The following CAMTA1 variants were observed in gnomAD, a reference collection of about 807,000 sequenced individuals.
CAMTA1 encodes the protein calmodulin-binding transcription activator 1.
Under a neutral mutation model 170.9 loss-of-function variants are expected in CAMTA1, and 27 were observed. The ratio of observed to expected loss-of-function variants is 0.16; its 90% CI spans 0.12 to 0.22. CAMTA1 has a LOEUF of 0.22. Among genes scored for constraint, CAMTA1 ranks in the 10% least tolerant of loss-of-function variants. The probability of loss-of-function intolerance (pLI) is 1.00; values close to 1 mark genes in which losing one functional copy is unlikely to be tolerated. For synonymous variants in CAMTA1, 833 were observed against 891.5 expected (o/e 0.93, Z 1.17); for missense variants, 1,619 against 2,217.2 (o/e 0.73, Z 5.42).
chr1:7,174,876 T>C (rs2148847669), intron 4 of CAMTA1, among the ~76,000 whole-genome samples: 1 of 152,310 alleles, frequency 6.6e-6, no homozygotes, highest in Non-Finnish European at 1.5e-5. Flanking sequence ...TGGGATGGTT[T>C]TTCCCTGCTG....
intron 1 of CAMTA1, among the ~76,000 whole-genome samples, chr1:6,811,798 A>G (rs1034272266): frequency 1.3e-5 from 2 of 152,212 alleles, no homozygotes; most frequent in African/African-American, 4.8e-5. Flanking sequence ...GGAGGTTCCC[A>G]GATAGCCGAC....
At chr1:7,637,995 C>T (rs2095727951) in intron 6 of CAMTA1, among the ~76,000 whole-genome samples, 1 of 152,186 alleles carries the variant, frequency 6.6e-6, no homozygotes, top group Admixed American at 6.5e-5. Flanking sequence ...GTTAACTGAG[C>T]GTTGGCAGGA....
chr1:7,106,393 A>G (rs1643594365), intron 4 of CAMTA1, among the ~76,000 whole-genome samples: 1 of 152,110 alleles, frequency 6.6e-6, no homozygotes, highest in Non-Finnish European at 1.5e-5. Context: ...AAAGATCCAG[A>G]GTAAGCCACA....
intron 18 of CAMTA1, among the ~76,000 whole-genome samples, chr1:7,747,128 T>C (rs1021418525): frequency 2.0e-5 from 3 of 152,216 alleles, no homozygotes; most frequent in African/African-American, 4.8e-5. Context: ...CTGTTGGTAA[T>C]GATAATGCGT....
intron 5 of CAMTA1, among the ~76,000 whole-genome samples, chr1:7,272,107 T>G (rs1669893929): frequency 1.3e-5 from 2 of 151,998 alleles, no homozygotes; most frequent in South Asian, 4.1e-4. Context: ...CAATAAACAA[T>G]TTGAAAATCA....
chr1:7,123,710 G>T (rs1248081513), intron 4 of CAMTA1, among the ~76,000 whole-genome samples: 1 of 152,116 alleles, frequency 6.6e-6, no homozygotes, highest in Non-Finnish European at 1.5e-5. Flanking sequence ...GGGGATGCCT[G>T]TTCTGGCCCT....
chr1:7,260,288 G>A (rs1667978959), intron 5 of CAMTA1, among the ~76,000 whole-genome samples: 1 of 152,230 alleles, frequency 6.6e-6, no homozygotes, highest in South Asian at 2.1e-4. Flanking sequence ...ACAGCCGCCT[G>A]ATGCTATTCA....
At chr1:7,015,809 G>A (rs1700447235) in intron 3 of CAMTA1, among the ~76,000 whole-genome samples, 1 of 150,636 alleles carries the variant, frequency 6.6e-6, no homozygotes, top group Non-Finnish European at 1.5e-5. Flanking sequence ...AGGGGAAGCA[G>A]GCATGTCCTG....
Position 7,293,793 on chromosome 1 carries a change from C to T in CAMTA1, c.438+44167C>T, listed in dbSNP as rs1419021686. Among the ~76,000 whole-genome samples, 1 of 152,220 alleles carries T rather than the reference C, an allele frequency of 6.6e-6. No individual in the cohort carries two copies. The highest frequency in any genetic ancestry group is 2.4e-5 in the African/African-American group (1 of 41,458). On this transcript the variant is annotated intron_variant, in intron 5 of 22. Coordinates refer to ENST00000303635, the MANE Select transcript of CAMTA1 (RefSeq NM_015215.4). The surrounding 1 kb of genome is among the most constrained non-coding windows in gnomAD (Gnocchi z 4.1). ...ATGTTGCTGCCTCCCGATGGCTGCC[C>T]AGGGTTTCCAGCTCTCCCGTGCCCC...
chr1:7,576,830 G>A (rs1313435906), intron 6 of CAMTA1, among the ~76,000 whole-genome samples: 2 of 152,166 alleles, frequency 1.3e-5, no homozygotes, highest in Admixed American at 1.3e-4. Context: ...AGGAAAGATT[G>A]CCTGGCAGGG....
intron 7 of CAMTA1, among the ~76,000 whole-genome samples, chr1:7,656,674 G>A (rs187151391): frequency 5.3e-5 from 8 of 152,338 alleles, no homozygotes; most frequent in Admixed American, 2.0e-4. Context: ...AGAGGCTCTC[G>A]GCTGGCAGCC....
chr1:7,391,334 T>TGTGG (rs1431460206), intron 5 of CAMTA1, among the ~76,000 whole-genome samples: 4 of 151,278 alleles, frequency 2.6e-5, no homozygotes, highest in Non-Finnish European at 4.4e-5. Flanking sequence ...ACACAGTGTG[T>TGTGG]GTGTGTGTGT....
At chr1:7,401,766 T>G (rs1239729841) in intron 5 of CAMTA1, among the ~76,000 whole-genome samples, 3 of 152,220 alleles carry the variant, frequency 2.0e-5, no homozygotes, top group Non-Finnish European at 4.4e-5. Flanking sequence ...TTTTCCTCAT[T>G]TCCAATTTTA....
intron 11 of CAMTA1, among the ~76,000 whole-genome samples, chr1:7,686,504 A>G (rs1226500580): frequency 1.2e-5 from 1 of 80,672 alleles, no homozygotes; most frequent in African/African-American, 4.9e-5. Context: ...GAGGAAGGGG[A>G]GGTGGAGGGG....
chr1:6,868,260 G>A lies in CAMTA1; in HGVS notation c.234+43050G>A, dbSNP rs1013132968. Among the ~76,000 whole-genome samples the A allele has an allele frequency of 2.7e-5, 4 of 147,798 alleles. No homozygotes were observed. In the East Asian group the frequency reaches 8.4e-4, roughly 31 times the overall value. ...GGAGGCGGAGGCAGCAGTGAGCCAA[G>A]ATCTTGCTACTGCACTCTAGCCTGG... On this transcript the variant is annotated intron_variant, in intron 3 of 22. Transcript: ENST00000303635.
intron 6 of CAMTA1, among the ~76,000 whole-genome samples, chr1:7,483,839 G>A (rs918261504): frequency 6.6e-6 from 1 of 152,124 alleles, no homozygotes; most frequent in Non-Finnish European, 1.5e-5. Context: ...GGACCCCAGG[G>A]GTGGCTCCTG....
chr1:7,735,252 T>A (rs548663783), intron 12 of CAMTA1, among the ~76,000 whole-genome samples: 2 of 152,144 alleles, frequency 1.3e-5, no homozygotes, highest in Non-Finnish European at 2.9e-5. Context: ...AACCTAGCAC[T>A]TGGGAGGCTG....
chr1:6,864,223 AAC>A (rs1254961025), intron 3 of CAMTA1, among the ~76,000 whole-genome samples: 3 of 152,160 alleles, frequency 2.0e-5, no homozygotes, highest in Admixed American at 6.5e-5. Context: ...TTGAATCCAA[AAC>A]AATTCCTGCT....
At chr1:7,142,293 T>C (rs1645933497) in intron 4 of CAMTA1, among the ~76,000 whole-genome samples, 1 of 152,180 alleles carries the variant, frequency 6.6e-6, no homozygotes, top group Non-Finnish European at 1.5e-5. Flanking sequence ...TACCATTCAC[T>C]CCCTGTAGCA....
Sources: gnomAD v4.1 joint callset for allele counts (sites outside exome capture counted in the v4.1 genomes callset) on GRCh38, gnomAD v4.1.1 for gene constraint, Gnocchi (gnomAD v3.1) non-coding constraint, MANE v1.5 for transcripts, NCBI Gene and HGNC (gene_info 2026-07-23, HGNC 2026-07-21) for gene names.